Variants in CACNA1B observed in about 807,000 individuals in gnomAD.
CACNA1B encodes the protein calcium voltage-gated channel subunit alpha1 B.
Under a neutral mutation model 247.2 loss-of-function variants are expected in CACNA1B, and 70 were observed. The ratio of observed to expected loss-of-function variants is 0.28; its 90% CI spans 0.23 to 0.35. The LOEUF (loss-of-function observed/expected upper bound fraction) is 0.35. CACNA1B is among the 10% of genes least tolerant of loss of function. The pLI is 1.00. For missense variants in CACNA1B, 2,367 were observed against 3,197.4 expected (o/e 0.74, Z 6.26); for synonymous variants, 1,231 against 1,294.4 (o/e 0.95, Z 1.05).
rs530752268 is a variant in CACNA1B at position 138,117,887 on chromosome 9, T to C, written c.5778-59T>C. On this transcript the variant is annotated intron_variant, in intron 42 of 46. Coordinates refer to ENST00000371372, the MANE Select transcript of CACNA1B (RefSeq NM_000718.4). ...CCTGGCAGGTTGAAGCACCAGGCTA[T>C]TGGTAAGGCACCTGCAGTCTCTGAC... 403 of 1,410,164 alleles carry C rather than the reference T, an allele frequency of 2.9e-4. 2 individuals are homozygous for C. The Middle Eastern group carries it at 7.0e-3, about 24-fold the overall frequency. The allele number at this position is 1,410,164 out of a possible 1,614,324, so 87.4% of individuals were successfully genotyped here.
intron 22 of CACNA1B, 30 bp downstream of exon 22, chr9:138,047,063 C>T (rs560323270): frequency 1.3e-6 from 2 of 1,584,458 alleles, no homozygotes; most frequent in South Asian, 2.3e-5. Context: ...GGGTCCCCGC[C>T]AGGCTGTGGC....
intron 21 of CACNA1B, among the ~76,000 whole-genome samples, chr9:138,044,686 A>G (rs553347660): frequency 3.3e-5 from 5 of 152,316 alleles, no homozygotes; most frequent in African/African-American, 9.6e-5. Flanking sequence ...CGGCCAGAGC[A>G]GGGGCTGGGC....
Position 137,903,792 on chromosome 9 carries a change from C to T in CACNA1B, c.531-9388C>T, listed in dbSNP as rs1032172475. The stretch of plus-strand genomic sequence containing the variant: ...GATTTTGTAGTTTCTTTATAAAAGT[C>T]ACCTGCACTGTTAAAGCTATTCCTA... On this transcript the variant is annotated intron_variant, in intron 3 of 46. Transcript: ENST00000371372. 4.6e-5 allele frequency among the ~76,000 whole-genome samples: 7 copies of T among 152,032 alleles called. No individual in the cohort carries two copies. In the South Asian group the frequency reaches 1.0e-3, roughly 23 times the overall value.
chr9:138,093,598 G>A (rs1387711958), intron 36 of CACNA1B, among the ~76,000 whole-genome samples: 1 of 151,526 alleles, frequency 6.6e-6, no homozygotes, highest in Non-Finnish European at 1.5e-5. Flanking sequence ...AAAATTAGCT[G>A]GGTGTGGTCT....
At chr9:138,069,808 C>G in intron 32 of CACNA1B, 45 bp downstream of exon 32, 1 of 1,573,932 alleles carries the variant, frequency 6.4e-7, no homozygotes, top group East Asian at 2.2e-5. Context: ...CCTTGCTTTG[C>G]TCGCTCTGCT....
At position 137,976,057 on chromosome 9, in the gene CACNA1B, CT is replaced by C. The variant is rs764722779; in HGVS notation, c.1656+41del. On this transcript the variant is annotated intron_variant, in intron 12 of 46. Coordinates refer to ENST00000371372, the MANE Select transcript of CACNA1B (RefSeq NM_000718.4). ...CCTGATCAGGGGCCCAGGCTGTATC[CT>C]TTCCTGCAGGTGCACACAGCCCCCT... The C allele has an allele frequency of 4.7e-6, 6 of 1,266,052 alleles. No individual in the cohort carries two copies. The Admixed American group carries it at 1.1e-4, about 22-fold the overall frequency. The allele number at this position is 1,266,052 out of a possible 1,614,324, so 78.4% of individuals were successfully genotyped here. A position where few individuals can be genotyped will look rare whatever the true frequency, so the allele number is the denominator to read the frequency against.
At chr9:138,040,883 C>T (rs748205697) in intron 20 of CACNA1B, among the ~76,000 whole-genome samples, 3 of 152,186 alleles carry the variant, frequency 2.0e-5, no homozygotes, top group Non-Finnish European at 4.4e-5. Context: ...TTAAACATCA[C>T]ATCCTCCTTT....
In CACNA1B at chr9:137,902,399, G is replaced by A. The variant is rs1168951218; in HGVS notation, c.531-10781G>A. Among the ~76,000 whole-genome samples, 4 of 152,114 alleles carry A rather than the reference G, an allele frequency of 2.6e-5. No homozygotes were observed. The South Asian group carries it at 8.3e-4, about 32-fold the overall frequency. ...CTGTTGCCTCCTTGCTTTTCAGTAG[G>A]ATTTTTCTAGAGCCTAAGGCTTCAG... is the stretch of plus-strand genomic sequence containing the variant. On this transcript the variant is annotated intron_variant, in intron 3 of 46. Transcript: ENST00000371372.
At chr9:138,035,505 A>G (rs1228516075) in intron 20 of CACNA1B, among the ~76,000 whole-genome samples, 1 of 152,200 alleles carries the variant, frequency 6.6e-6, no homozygotes, top group Non-Finnish European at 1.5e-5. Context: ...CAGTATCTGT[A>G]GAAACTAGTT....
intron 36 of CACNA1B, among the ~76,000 whole-genome samples, chr9:138,080,454 A>G (rs1960489605): frequency 2.0e-5 from 3 of 152,214 alleles, no homozygotes; most frequent in Non-Finnish European, 4.4e-5. Context: ...TATCATTGCA[A>G]GATCATTACA....
intron 38 of CACNA1B, among the ~76,000 whole-genome samples, 189 bp from the exon 39 acceptor site, chr9:138,105,510 C>T (rs555145011): frequency 9.2e-5 from 14 of 152,196 alleles, no homozygotes; most frequent in Admixed American, 8.5e-4. Flanking sequence ...ATTTGTGGGG[C>T]GGGGAGTCCA....
At chr9:137,896,730 A>G (rs1957177609) in intron 3 of CACNA1B, among the ~76,000 whole-genome samples, 1 of 152,248 alleles carries the variant, frequency 6.6e-6, no homozygotes, top group East Asian at 1.9e-4. Context: ...AGAAAAATCT[A>G]CAGTGAATCC....
chr9:137,937,925 C>A (rs1957687446), intron 6 of CACNA1B, among the ~76,000 whole-genome samples: 2 of 79,430 alleles, frequency 2.5e-5, no homozygotes, highest in Admixed American at 2.2e-4. Flanking sequence ...CCAGCCGGGG[C>A]AACAAGAATG....
intron 3 of CACNA1B, chr9:137,892,439 A>T (rs1351328106): frequency 4.5e-6 from 2 of 441,272 alleles, no homozygotes; most frequent in Non-Finnish European, 9.1e-6. Context: ...CTGGTGCATC[A>T]TTGCATCGTG....
intron 32 of CACNA1B, among the ~76,000 whole-genome samples, chr9:138,070,685 C>A (rs888585875): frequency 4.6e-5 from 7 of 152,238 alleles, no homozygotes; most frequent in African/African-American, 1.7e-4. Flanking sequence ...AACACCCAGG[C>A]AATGTCATCT....
chr9:137,963,888 G>A (rs909475321), intron 10 of CACNA1B, among the ~76,000 whole-genome samples: 2 of 152,274 alleles, frequency 1.3e-5, no homozygotes, highest in African/African-American at 4.8e-5. Context: ...GGGCAGGTCT[G>A]GTAATAACGA....
intron 15 of CACNA1B, among the ~76,000 whole-genome samples, chr9:137,998,927 G>A (rs902732373): frequency 1.3e-5 from 2 of 152,192 alleles, no homozygotes; most frequent in Non-Finnish European, 2.9e-5. Flanking sequence ...AACAGATAGT[G>A]AATAGAATAT....
intron 15 of CACNA1B, among the ~76,000 whole-genome samples, chr9:138,001,642 A>G (rs1958579203): frequency 6.6e-6 from 1 of 152,140 alleles, no homozygotes; most frequent in Non-Finnish European, 1.5e-5. Flanking sequence ...TATTATTTGC[A>G]AATGTGATTA....
chr9:138,093,575 T>C (rs1215441961), intron 36 of CACNA1B, among the ~76,000 whole-genome samples: 2 of 151,816 alleles, frequency 1.3e-5, no homozygotes, highest in East Asian at 3.9e-4. Flanking sequence ...ATTCTGGCTC[T>C]ACTAAAAATA....
Sources: allele counts gnomAD v4.1 joint callset (sites outside exome capture counted in the v4.1 genomes callset), GRCh38; gene constraint gnomAD v4.1.1; transcripts MANE v1.5; gene names NCBI Gene and HGNC (gene_info 2026-07-23, HGNC 2026-07-21).